DIPK2B: variants seen among roughly 807,000 people sequenced by gnomAD.
The protein encoded by DIPK2B is UPF0672 protein CXorf36.
A neutral mutation model predicts 22.2 loss-of-function variants in DIPK2B; 15 were observed. The observed-to-expected ratio is 0.68, with a 90% CI of 0.45 to 1.04. The LOEUF is 1.04. Ranked by LOEUF, DIPK2B falls within the 50% of genes least tolerant of loss-of-function variation. The pLI is 0.00. For missense variants in DIPK2B, 345 were observed against 348.3 expected, an observed-to-expected ratio of 0.99 and a Z score of 0.08; for synonymous variants, 163 against 153.2, an observed-to-expected ratio of 1.06 and a Z score of -0.47.
chrX:45,149,058 G>A lies in DIPK2B; in HGVS notation c.*2594C>T, dbSNP rs1161077410. On this transcript the variant is annotated 3_prime_UTR_variant, in exon 5 of 5. Coordinates refer to ENST00000398000, the MANE Select transcript of DIPK2B (RefSeq NM_176819.4). ...GGGGGCAAGTGCTTACCTTGAACCC[G>A]TGCAGGTGGACAGATGTGTGGTGGA... 8.9e-6 allele frequency: 1 copy of A among 112,447 alleles called. No individual in the cohort carries two copies. 9.3% of individuals were successfully genotyped at this position (112,447 alleles called of 1,213,427 possible). A position where few individuals can be genotyped will look rare whatever the true frequency, so the allele number is the denominator to read the frequency against.
chrX:45,162,689 G>A lies in DIPK2B; in HGVS notation c.499-4801C>T, dbSNP rs6611073. ...CTCCCATCTGCATACATGGGCAACA[G>A]GGCTAACTTACCACCTCCCAGTGAA... is the stretch of plus-strand genomic sequence containing the variant. On this transcript the variant is annotated intron_variant, in intron 2 of 4. Transcript: ENST00000398000. 1,039 of 752,861 alleles carry A rather than the reference G, an allele frequency of 1.4e-3. 52 individuals are homozygous for A. The East Asian group carries it at 0.11, about 77-fold the overall frequency. The allele number at this position is 752,861 out of a possible 1,213,427, so 62.0% of individuals were successfully genotyped here.
chrX:45,157,060 C>T (rs755928777), intron 3 of DIPK2B, among the ~76,000 whole-genome samples: 1 of 110,203 alleles, frequency 9.1e-6, no homozygotes, highest in East Asian at 2.9e-4. Context: ...ATTTCTAGTT[C>T]CCTTTGTGTC....
chrX:45,162,986 T>C, intron 2 of DIPK2B: 1 of 743,849 alleles, frequency 1.3e-6, no homozygotes, highest in African/African-American at 2.3e-5. Flanking sequence ...GTTGCTGTGA[T>C]GGTTAATTTT....
At chrX:45,161,254 T>C (rs7879198) in intron 2 of DIPK2B, among the ~76,000 whole-genome samples, 33,289 of 111,152 alleles carry the variant, frequency 0.3, 4,369 homozygotes, top group African/African-American at 0.5. Flanking sequence ...TTAAAAAGTG[T>C]ATTTTGGCCA....
At chrX:45,152,129 G>C in intron 4 of DIPK2B, 137 bp from the exon 5 acceptor site, 1 of 559,080 alleles carries the variant, frequency 1.8e-6, no homozygotes, top group Non-Finnish European at 2.8e-6. Flanking sequence ...AGGCTGAGGC[G>C]GGCAGATCAC....
intron 2 of DIPK2B, among the ~76,000 whole-genome samples, chrX:45,166,285 A>T (rs5952700): frequency 0.31 from 33,805 of 110,190 alleles, 4,694 homozygotes; most frequent in African/African-American, 0.53. Context: ...CGTGCCAAGT[A>T]CTGGGCCAGG....
chrX:45,155,871 G>GT (rs1472270349), intron 3 of DIPK2B, among the ~76,000 whole-genome samples: 1 of 108,791 alleles, frequency 9.2e-6, no homozygotes. Flanking sequence ...ATCTCTGATG[G>GT]TTTTTTGCAG....
intron 4 of DIPK2B, among the ~76,000 whole-genome samples, chrX:45,153,009 A>G (rs941411469): frequency 8.9e-6 from 1 of 112,353 alleles, no homozygotes; most frequent in Non-Finnish European, 1.9e-5. Flanking sequence ...TATGTATTCA[A>G]TGAGTTGTAG....
chrX:45,183,349 G>C (rs909290410), intron 2 of DIPK2B: 2 of 112,031 alleles, frequency 1.8e-5, no homozygotes, highest in Non-Finnish European at 3.8e-5. Context: ...TTCTGAGTGA[G>C]TTCCCCAGCC....
At position 45,175,372 on chromosome X, in the gene DIPK2B, A is replaced by G. The variant is rs185050359; in HGVS notation, c.498+16379T>C. ...ATGATGTATGTGAAGAGTTTTAATG[A>G]TATGGAGGCTATTATGAGATATAAT... On this transcript the variant is annotated intron_variant, in intron 2 of 4. Coordinates refer to ENST00000398000, the MANE Select transcript of DIPK2B (RefSeq NM_176819.4). Among the ~76,000 whole-genome samples the G allele has an allele frequency of 3.2e-4, 35 of 110,978 alleles. No homozygotes were observed. In the East Asian group the frequency reaches 0.01, roughly 32 times the overall value.
In DIPK2B at chrX:45,190,998, G is replaced by A. The variant is rs143146352; in HGVS notation, c.498+753C>T. ...CACACCAGAAAATTCCTTCCTGGCC[G>A]GGCGTGGTGGCTCACGCCTCAGTCC... On this transcript the variant is annotated intron_variant, in intron 2 of 4. Coordinates refer to ENST00000398000, the MANE Select transcript of DIPK2B (RefSeq NM_176819.4). Among the ~76,000 whole-genome samples the A allele has an allele frequency of 5.7e-3, 646 of 112,777 alleles. 5 individuals carry two copies. The highest frequency in any genetic ancestry group is 0.019 in the African/African-American group (600 of 31,037).
Position 45,151,502 on chromosome X carries a change from T to C in DIPK2B, c.*150A>G. ...AGCCAGCAGAGACAGCCACGTGGTA[T>C]CTCACAACTCCCCTCTCAGTCCCTA... is the stretch of plus-strand genomic sequence containing the variant. On this transcript the variant is annotated 3_prime_UTR_variant, in exon 5 of 5. Coordinates refer to ENST00000398000, the MANE Select transcript of DIPK2B (RefSeq NM_176819.4). 3.4e-6 allele frequency: 2 copies of C among 580,759 alleles called. No homozygotes were observed. Among genetic ancestry groups the C allele is most frequent in the South Asian group, 6.3e-5 (2 of 31,526 alleles). The allele number at this position is 580,759 out of a possible 1,213,427, so 47.9% of individuals were successfully genotyped here. A position where few individuals can be genotyped will look rare whatever the true frequency, so the allele number is the denominator to read the frequency against.
intron 2 of DIPK2B, chrX:45,162,885 T>G: frequency 1.3e-6 from 1 of 754,174 alleles, no homozygotes; most frequent in South Asian, 6.7e-5. Flanking sequence ...GATAGGGGCC[T>G]TTGGTTCAGG....
intron 1 of DIPK2B, among the ~76,000 whole-genome samples, chrX:45,196,715 C>T (rs938283565): frequency 1.8e-5 from 2 of 110,668 alleles, no homozygotes; most frequent in Admixed American, 9.6e-5. Context: ...ACACCCTGCA[C>T]GCACAATACT....
intron 2 of DIPK2B, among the ~76,000 whole-genome samples, chrX:45,178,726 C>T (rs1257042634): frequency 9.0e-6 from 1 of 111,362 alleles, no homozygotes; most frequent in African/African-American, 3.3e-5. Flanking sequence ...TAAAAATTTC[C>T]CTCAGGTCCT....
chrX:45,184,556 C>T (rs2047171186), intron 2 of DIPK2B, among the ~76,000 whole-genome samples: 1 of 111,298 alleles, frequency 9.0e-6, no homozygotes, highest in Non-Finnish European at 1.9e-5. Flanking sequence ...ATATTTATTC[C>T]CTGCTTAACC....
intron 2 of DIPK2B, among the ~76,000 whole-genome samples, chrX:45,168,409 A>G (rs2148339153): frequency 8.9e-6 from 1 of 112,683 alleles, no homozygotes; most frequent in South Asian, 3.7e-4. Flanking sequence ...AAACCACATA[A>G]AACAGAGTTG....
chrX:45,197,209 G>A (rs1399649885), intron 1 of DIPK2B, among the ~76,000 whole-genome samples: 3 of 106,986 alleles, frequency 2.8e-5, no homozygotes, highest in African/African-American at 1.0e-4. Flanking sequence ...TTTTTTGAGA[G>A]AGAGTCTTTC....
At chrX:45,159,762 C>T (rs1164934354) in intron 2 of DIPK2B, among the ~76,000 whole-genome samples, 1 of 112,034 alleles carries the variant, frequency 8.9e-6, no homozygotes, top group Non-Finnish European at 1.9e-5. Flanking sequence ...CCTTAGTACC[C>T]TTGCTTTCAC....
Sources: allele counts gnomAD v4.1 joint callset (sites outside exome capture counted in the v4.1 genomes callset), GRCh38; gene constraint gnomAD v4.1.1; transcripts MANE v1.5; gene names NCBI Gene and HGNC (gene_info 2026-07-23, HGNC 2026-07-21).